Variants in EPSTI1 observed in about 807,000 individuals in gnomAD.
EPSTI1 encodes the protein epithelial-stromal interaction protein 1.
A neutral mutation model predicts 49.9 loss-of-function variants in EPSTI1; 66 were observed. The ratio of observed to expected loss-of-function variants is 1.32; its 90% CI spans 1.08 to 1.62. The LOEUF is 1.62. Ranked by LOEUF, EPSTI1 falls within the 40% of genes most tolerant of loss-of-function variation. The pLI is 0.00. For synonymous variants in EPSTI1, 137 were observed against 130.7 expected (o/e 1.05, Z -0.33); for missense variants, 394 against 365.5 (o/e 1.08, Z -0.64).
At chr13:42,919,413 T>G in intron 7 of EPSTI1, 1 of 1,253,168 alleles carries the variant, frequency 8.0e-7, no homozygotes, top group Admixed American at 1.8e-5. Context: ...AGTCACTGTA[T>G]TCACATAATT....
intron 3 of EPSTI1, among the ~76,000 whole-genome samples, 159 bp downstream of exon 3, chr13:42,968,921 TACACACACACACAC>T (rs71970864): frequency 8.5e-5 from 10 of 117,614 alleles, no homozygotes; most frequent in African/African-American, 1.4e-4. Flanking sequence ...AAAAAAAAAA[TACACACACACACAC>T]ACACACACAC....
chr13:42,921,800 G>A (rs2038004656), intron 7 of EPSTI1, among the ~76,000 whole-genome samples: 1 of 152,076 alleles, frequency 6.6e-6, no homozygotes, highest in East Asian at 1.9e-4. Flanking sequence ...AACAACAGCT[G>A]TGCGCCAGGC....
At chr13:42,974,062 G>A (rs946272495) in intron 1 of EPSTI1, among the ~76,000 whole-genome samples, 3 of 152,198 alleles carry the variant, frequency 2.0e-5, no homozygotes, top group Admixed American at 6.5e-5. Context: ...TTGGCCAAGC[G>A]CGGTGGCTCA....
chr13:42,986,057 G>T (rs1304702732), intron 1 of EPSTI1, among the ~76,000 whole-genome samples: 5 of 152,102 alleles, frequency 3.3e-5, no homozygotes, highest in African/African-American at 1.2e-4. Context: ...TATAAGCCTG[G>T]CAGTCCTGCA....
At chr13:42,974,266 G>T (rs1284699648) in intron 1 of EPSTI1, among the ~76,000 whole-genome samples, 2 of 152,080 alleles carry the variant, frequency 1.3e-5, no homozygotes, top group South Asian at 4.1e-4. Context: ...ATCCCAGGGG[G>T]CAGAGGTTGC....
At chr13:42,917,021 C>T (rs4942177) in intron 8 of EPSTI1, among the ~76,000 whole-genome samples, 124,753 of 152,184 alleles carry the variant, frequency 0.82, 52,899 homozygotes, top group Non-Finnish European at 0.92. Flanking sequence ...TCTGCATTCA[C>T]TTCACTGATT....
chr13:42,915,094 G>A (rs904232694), intron 8 of EPSTI1, among the ~76,000 whole-genome samples: 4 of 152,094 alleles, frequency 2.6e-5, no homozygotes, highest in African/African-American at 7.2e-5. Context: ...AAATATTTGC[G>A]GAATGAATGG....
At chr13:42,902,934 C>T (rs1161656524) in intron 8 of EPSTI1, among the ~76,000 whole-genome samples, 1 of 152,158 alleles carries the variant, frequency 6.6e-6, no homozygotes, top group Non-Finnish European at 1.5e-5. Context: ...ATAAAGTATA[C>T]ACAGTCATGT....
intron 9 of EPSTI1, among the ~76,000 whole-genome samples, chr13:42,896,654 A>G (rs1351078202): frequency 6.6e-6 from 1 of 152,164 alleles, no homozygotes; most frequent in African/African-American, 2.4e-5. Flanking sequence ...CAACAACCTT[A>G]CTAGATTATG....
At chr13:42,900,152 A>G (rs537614525) in intron 9 of EPSTI1, among the ~76,000 whole-genome samples, 158 bp downstream of exon 9, 2 of 152,354 alleles carry the variant, frequency 1.3e-5, no homozygotes, top group South Asian at 4.1e-4. Flanking sequence ...AGCAGTTGGC[A>G]TACCTCTACA....
chr13:42,954,138 A>T, intron 5 of EPSTI1, 117 bp from the exon 6 acceptor site: 1 of 745,012 alleles, frequency 1.3e-6, no homozygotes, highest in Non-Finnish European at 2.1e-6. Context: ...AGTCTAATAC[A>T]GTATCCTGCT....
intron 1 of EPSTI1, among the ~76,000 whole-genome samples, chr13:42,984,525 G>T (rs569435222): frequency 6.6e-6 from 1 of 152,236 alleles, no homozygotes; most frequent in South Asian, 2.1e-4. Flanking sequence ...CATACTTCAG[G>T]ATTGCAGAAA....
At chr13:42,917,091 G>A (rs1043203064) in intron 8 of EPSTI1, among the ~76,000 whole-genome samples, 1 of 152,128 alleles carries the variant, frequency 6.6e-6, no homozygotes, top group African/African-American at 2.4e-5. Context: ...AGTGTAACTT[G>A]GTTTTACTGT....
chr13:42,944,604 C>T (rs903570903), intron 6 of EPSTI1, among the ~76,000 whole-genome samples: 6 of 152,126 alleles, frequency 3.9e-5, no homozygotes, highest in Admixed American at 3.3e-4. Context: ...ACCACCGTGG[C>T]ACGTGTATAC....
chr13:42,960,090 G>GGATCCAT (rs2153430355), intron 5 of EPSTI1, among the ~76,000 whole-genome samples: 1 of 152,178 alleles, frequency 6.6e-6, no homozygotes, highest in Admixed American at 6.5e-5. Flanking sequence ...CCATTGTGTT[G>GGATCCAT]TGGGGGGAGG....
intron 1 of EPSTI1, among the ~76,000 whole-genome samples, chr13:42,983,588 A>AAAAAAAAAAAAAAAT (rs2040027418): frequency 7.3e-6 from 1 of 136,268 alleles, no homozygotes; most frequent in Non-Finnish European, 1.6e-5. Flanking sequence ...AAAAAAAAAA[A>AAAAAAAAAAAAAAAT]ACAATGATAA....
chr13:42,888,431 A>G lies in EPSTI1; in HGVS notation c.*63T>C, dbSNP rs747197657. 6.2e-7 allele frequency: 1 copy of G among 1,614,170 alleles called. No individual in the cohort carries two copies. Among genetic ancestry groups the G allele is most frequent in the South Asian group, 1.1e-5 (1 of 91,086 alleles). ...GAGGCTGAACAAAATCACATTAAGA[A>G]AAAGCATCTCATGAGGCTTTTCGAG... On this transcript the variant is annotated 3_prime_UTR_variant, in exon 11 of 11. Transcript: ENST00000313624.
intron 1 of EPSTI1, among the ~76,000 whole-genome samples, chr13:42,983,550 C>T (rs897132983): frequency 1.3e-4 from 14 of 106,874 alleles, no homozygotes; most frequent in Non-Finnish European, 2.1e-4. Flanking sequence ...GGCAACAGAG[C>T]GAGACTCCAT....
intron 5 of EPSTI1, among the ~76,000 whole-genome samples, chr13:42,956,135 C>G (rs371825256): frequency 3.3e-5 from 5 of 152,276 alleles, no homozygotes; most frequent in Admixed American, 2.6e-4. Flanking sequence ...AGAAAAAGCA[C>G]TTATATGGAT....
Sources: gnomAD v4.1 joint callset for allele counts (sites outside exome capture counted in the v4.1 genomes callset) on GRCh38, gnomAD v4.1.1 for gene constraint, MANE v1.5 for transcripts, NCBI Gene and HGNC (gene_info 2026-07-23, HGNC 2026-07-21) for gene names.